Variants in DMD observed in about 807,000 individuals in gnomAD.
The protein encoded by DMD is mutant dystrophin.
DMD carries 63 observed loss-of-function variants against 330.1 expected under a neutral mutation model. That is an observed-to-expected ratio of 0.19 (90% CI 0.16 to 0.24). The LOEUF (loss-of-function observed/expected upper bound fraction) is 0.24. DMD is among the 10% of genes least tolerant of loss of function. The probability of loss-of-function intolerance (pLI) is 1.00; values close to 1 mark genes in which losing one functional copy is unlikely to be tolerated. For missense variants in DMD, 3,344 were observed against 2,684.1 expected (o/e 1.25, Z -5.43); for synonymous variants, 1,223 against 959.8 (o/e 1.27, Z -5.07).
intron 60 of DMD, among the ~76,000 whole-genome samples, chrX:31,396,548 G>GTTTTTTTTTTTTT (rs56745544): frequency 1.5e-5 from 1 of 66,067 alleles, no homozygotes; most frequent in Non-Finnish European, 2.7e-5. Context: ...AAATCCCAGG[G>GTTTTTTTTTTTTT]TTTTTTTTTT....
rs2093609486 is a variant in DMD, at chrX:33,009,805, TATATACACAC to T, written c.93+10324_93+10333del. Among the ~76,000 whole-genome samples, 17 of 31,703 alleles carry T rather than the reference TATATACACAC, an allele frequency of 5.4e-4. 1 individual carries two copies. The highest frequency in any genetic ancestry group is 9.5e-4 in the Non-Finnish European group (15 of 15,774). The allele number at this position is 31,703 out of a possible 115,157, so 27.5% of individuals were successfully genotyped here. A position where few individuals can be genotyped will look rare whatever the true frequency, so the allele number is the denominator to read the frequency against. Reference sequence around the variant, plus strand: ...ATATGTGTATATGTGTGTATATGTGTATATACACACATATGTGTATATGTGTGTATATGTG... The same window carrying T: ...ATATGTGTATATGTGTGTATATGTGTATATGTGTATATGTGTGTATATGTG... On this transcript the variant is annotated intron_variant, in intron 2 of 78. Transcript: ENST00000357033.
chrX:32,800,270 A>C (rs1006004334), intron 7 of DMD, among the ~76,000 whole-genome samples: 2 of 112,200 alleles, frequency 1.8e-5, no homozygotes, highest in African/African-American at 6.5e-5. Context: ...ACAGGCATGA[A>C]TCACGAATTT....
intron 27 of DMD, among the ~76,000 whole-genome samples, chrX:32,446,537 G>A (rs994889993): frequency 3.6e-5 from 4 of 110,352 alleles, no homozygotes; most frequent in Non-Finnish European, 5.7e-5. Flanking sequence ...CAAGGAAAGA[G>A]CAAGAAAGAA....
intron 43 of DMD, among the ~76,000 whole-genome samples, chrX:32,242,635 T>G (rs5927944): frequency 0.36 from 39,954 of 110,032 alleles, 5,536 homozygotes; most frequent in Middle Eastern, 0.56. Flanking sequence ...CTTTTCCAAA[T>G]AAGAAAAGGT....
chrX:32,919,199 A>T (rs2088139659), intron 2 of DMD, among the ~76,000 whole-genome samples: 1 of 112,123 alleles, frequency 8.9e-6, no homozygotes, highest in Non-Finnish European at 1.9e-5. Context: ...AGCAGTGTGT[A>T]AAAGGATTGG....
intron 2 of DMD, among the ~76,000 whole-genome samples, chrX:32,886,310 C>A (rs1444362953): frequency 9.2e-6 from 1 of 108,490 alleles, no homozygotes; most frequent in Non-Finnish European, 1.9e-5. Flanking sequence ...TCTTGGTGGG[C>A]AGTGTAAACT....
At chrX:31,540,214 A>G (rs907140910) in intron 55 of DMD, among the ~76,000 whole-genome samples, 1 of 112,338 alleles carries the variant, frequency 8.9e-6, no homozygotes, top group Admixed American at 9.4e-5. Flanking sequence ...TACTAGTTAT[A>G]AAATGATACG....
rs150594228 is a variant in DMD at position 32,628,965 on chromosome X, T to C, written c.1332-14512A>G. ...TTGTCCTTGAAAATTATCCATGTGCTGAGAAGAAGAATATGTACTCTGCAG... is the reference window on the plus strand; with the variant it reads ...TTGTCCTTGAAAATTATCCATGTGCCGAGAAGAAGAATATGTACTCTGCAG... On this transcript the variant is annotated intron_variant, in intron 11 of 78. Transcript: ENST00000357033. Among the ~76,000 whole-genome samples the C allele has an allele frequency of 8.7e-3, 975 of 112,182 alleles. 9 individuals carry two copies. Among genetic ancestry groups the C allele is most frequent in the African/African-American group, 0.03 (920 of 30,908 alleles).
At chrX:32,866,742 TGGGGGG>T (rs61420337) in intron 2 of DMD, among the ~76,000 whole-genome samples, 1 of 37,289 alleles carries the variant, frequency 2.7e-5, no homozygotes, top group African/African-American at 1.5e-4. Context: ...GGTGGGGGGG[TGGGGGG>T]GGGGGGACAG....
At chrX:33,251,702 A>G (rs1294637153) in intron 1 of DMD, among the ~76,000 whole-genome samples, 1 of 112,063 alleles carries the variant, frequency 8.9e-6, no homozygotes, top group Non-Finnish European at 1.9e-5. Context: ...GGTATATTGG[A>G]TATTTTTTAT....
In DMD at chrX:31,657,985, C is replaced by A; in HGVS notation, c.8027+5G>T. The A allele has an allele frequency of 8.3e-7, 1 of 1,206,946 alleles. No homozygotes were observed. The highest frequency in any genetic ancestry group is 1.1e-6 in the Non-Finnish European group (1 of 891,354). ...CAGTAGTTTTAGAAATAATGTAATT[C>A]ATACCTTTTATGAATGCTTCTCCAA... On this transcript the variant is annotated splice_donor_5th_base_variant and intron_variant, in intron 54 of 78. Coordinates refer to ENST00000357033, the MANE Select transcript of DMD (RefSeq NM_004006.3).
chrX:32,563,533 T>G (rs773765650), intron 16 of DMD, among the ~76,000 whole-genome samples: 1 of 111,052 alleles, frequency 9.0e-6, no homozygotes, highest in South Asian at 3.9e-4. Context: ...TGTTGGACTT[T>G]ATTTCATAAA....
intron 47 of DMD, among the ~76,000 whole-genome samples, chrX:31,919,877 A>G (rs1238332930): frequency 8.9e-6 from 1 of 112,379 alleles, no homozygotes; most frequent in Non-Finnish European, 1.9e-5. Context: ...TTACTTTCAG[A>G]TAATCTAGCT....
chrX:31,829,324 T>A lies in DMD; in HGVS notation c.7200+7394A>T, dbSNP rs967780178. Among the ~76,000 whole-genome samples, 7 of 110,486 alleles carry A rather than the reference T, an allele frequency of 6.3e-5. No homozygotes were observed. In the East Asian group the frequency reaches 2.0e-3, roughly 31 times the overall value. ...CATAAAAAATTTCAGAATTCGCCAC[T>A]ATAGAACTCATCCATGTAACCAAAA... On this transcript the variant is annotated intron_variant, in intron 49 of 78. Transcript: ENST00000357033.
intron 4 of DMD, among the ~76,000 whole-genome samples, chrX:32,830,764 T>A (rs1336475662): frequency 9.0e-6 from 1 of 111,624 alleles, no homozygotes; most frequent in Admixed American, 9.6e-5. Flanking sequence ...TACACTGTTA[T>A]CTTCGGAAGT....
intron 12 of DMD, among the ~76,000 whole-genome samples, chrX:32,613,722 C>A (rs1453739717): frequency 1.8e-5 from 2 of 110,006 alleles, no homozygotes; most frequent in African/African-American, 6.6e-5. Context: ...AATCACATAC[C>A]CTGCGTTGTT....
chrX:32,425,285 A>T (rs1353940951), intron 29 of DMD, among the ~76,000 whole-genome samples: 1 of 111,100 alleles, frequency 9.0e-6, no homozygotes, highest in Non-Finnish European at 1.9e-5. Flanking sequence ...CTCAGGGATA[A>T]ATTTATCCTT....
In DMD at chrX:33,147,288, A is replaced by G. The variant is rs753807141; in HGVS notation, c.31+63994T>C. On this transcript the variant is annotated intron_variant, in intron 1 of 78. Coordinates refer to ENST00000357033, the MANE Select transcript of DMD (RefSeq NM_004006.3). Reference sequence around the variant, plus strand: ...AATAAAACAGAGTTATTTTAAATGTATAGGGGGATCAAAATACATAAACAT... The same window carrying G: ...AATAAAACAGAGTTATTTTAAATGTGTAGGGGGATCAAAATACATAAACAT... Among the ~76,000 whole-genome samples the G allele has an allele frequency of 3.6e-5, 4 of 110,926 alleles. No homozygotes were observed. In the South Asian group the frequency reaches 1.5e-3, roughly 40 times the overall value.
At chrX:32,254,190 C>T (rs1167689568) in intron 43 of DMD, among the ~76,000 whole-genome samples, 3 of 111,073 alleles carry the variant, frequency 2.7e-5, no homozygotes, top group East Asian at 2.8e-4. Flanking sequence ...TACAAGCATG[C>T]GCCAACACGC....
Sources: allele counts gnomAD v4.1 joint callset (sites outside exome capture counted in the v4.1 genomes callset), GRCh38; gene constraint gnomAD v4.1.1; transcripts MANE v1.5; gene names NCBI Gene and HGNC (gene_info 2026-07-23, HGNC 2026-07-21).